The following PTPRK variants were observed in gnomAD, a reference collection of about 807,000 sequenced individuals.
PTPRK encodes receptor-type tyrosine-protein phosphatase kappa.
A neutral mutation model predicts 178.0 loss-of-function variants in PTPRK; 75 were observed. That is an observed-to-expected ratio of 0.42 (90% confidence interval 0.35 to 0.51). The LOEUF (loss-of-function observed/expected upper bound fraction) is 0.51, where lower values mean the gene tolerates loss of function less well. Among genes scored for constraint, PTPRK ranks in the 20% least tolerant of loss-of-function variants. The pLI is 0.02. For missense variants in PTPRK, 1,441 were observed against 1,797.8 expected (o/e 0.80, Z 3.59); for synonymous variants, 637 against 620.6 (o/e 1.03, Z -0.39).
At chr6:128,251,895 A>G (rs1284203712) in intron 3 of PTPRK, among the ~76,000 whole-genome samples, 1 of 152,240 alleles carries the variant, frequency 6.6e-6, no homozygotes, top group African/African-American at 2.4e-5. Context: ...GATGAGAAGG[A>G]CTACCACATT....
At chr6:127,974,475 A>C (rs1774292673) in intron 27 of PTPRK, among the ~76,000 whole-genome samples, 1 of 152,098 alleles carries the variant, frequency 6.6e-6, no homozygotes, top group African/African-American at 2.4e-5. Flanking sequence ...TCTCAATCCC[A>C]AATAGAATGA....
At chr6:128,382,973 T>C (rs1375665442) in intron 2 of PTPRK, among the ~76,000 whole-genome samples, 1 of 152,162 alleles carries the variant, frequency 6.6e-6, no homozygotes, top group Non-Finnish European at 1.5e-5. Flanking sequence ...TAAATTTTAT[T>C]ACTAGGGAGA....
intron 7 of PTPRK, among the ~76,000 whole-genome samples, chr6:128,138,886 C>G (rs138990967): frequency 2.7e-3 from 405 of 152,104 alleles, no homozygotes; most frequent in African/African-American, 9.2e-3. Context: ...GACAGCACTA[C>G]TCATCATCAA....
intron 7 of PTPRK, among the ~76,000 whole-genome samples, chr6:128,144,135 T>C (rs1796150868): frequency 6.6e-6 from 1 of 152,194 alleles, no homozygotes; most frequent in Non-Finnish European, 1.5e-5. Context: ...TTCTCTTTCC[T>C]AACTCACCCA....
chr6:128,082,348 T>C, intron 10 of PTPRK, 89 bp downstream of exon 10: 2 of 1,227,050 alleles, frequency 1.6e-6, no homozygotes, highest in African/African-American at 1.5e-5. Context: ...CAAGATGAAC[T>C]ACACTTGGTT....
chr6:128,336,550 T>A (rs1257854683), intron 2 of PTPRK, among the ~76,000 whole-genome samples: 1 of 152,150 alleles, frequency 6.6e-6, no homozygotes, highest in Non-Finnish European at 1.5e-5. Context: ...TCGTTCAATC[T>A]ACTATTGTGA....
rs1168529256 is a variant in PTPRK at position 128,261,555 on chromosome 6, G to A, written c.496-18953C>T. The stretch of plus-strand genomic sequence containing the variant: ...AGTTATTACAGGGGAAGTACTGTGT[G>A]CAGAGCTTCAGTCTAGAGCAAAACT... On this transcript the variant is annotated intron_variant, in intron 3 of 29. Coordinates refer to ENST00000368226, the MANE Select transcript of PTPRK (RefSeq NM_002844.4). Among the ~76,000 whole-genome samples the A allele has an allele frequency of 5.3e-5, 8 of 152,246 alleles. No individual in the cohort carries two copies. In the East Asian group the frequency reaches 1.3e-3, roughly 26 times the overall value.
At chr6:128,354,994 A>G (rs1456786074) in intron 2 of PTPRK, among the ~76,000 whole-genome samples, 2 of 152,218 alleles carry the variant, frequency 1.3e-5, no homozygotes, top group African/African-American at 2.4e-5. Context: ...CCAGAACTCA[A>G]CTAGTAAAAG....
At chr6:128,369,119 A>G (rs1014716063) in intron 2 of PTPRK, among the ~76,000 whole-genome samples, 1 of 6,984 alleles carries the variant, frequency 1.4e-4, no homozygotes, top group African/African-American at 2.8e-4. Context: ...TATATTACAC[A>G]TTTTACCAAG....
intron 3 of PTPRK, among the ~76,000 whole-genome samples, chr6:128,273,046 C>A (rs1263300173): frequency 6.6e-6 from 1 of 152,252 alleles, no homozygotes; most frequent in Admixed American, 6.5e-5. Context: ...AGGATGAGTT[C>A]ATGTCCTTTG....
intron 7 of PTPRK, among the ~76,000 whole-genome samples, chr6:128,159,560 A>G (rs1478362899): frequency 6.6e-6 from 1 of 151,854 alleles, no homozygotes; most frequent in Non-Finnish European, 1.5e-5. Context: ...TGGAAAACCC[A>G]TTATTTGAAT....
intron 7 of PTPRK, among the ~76,000 whole-genome samples, chr6:128,098,655 T>A (rs918680950): frequency 3.3e-5 from 5 of 152,138 alleles, no homozygotes; most frequent in African/African-American, 1.2e-4. Flanking sequence ...ACAGGCATTA[T>A]TTCTAATATC....
intron 11 of PTPRK, among the ~76,000 whole-genome samples, chr6:128,075,898 G>A (rs1186230709): frequency 1.3e-5 from 2 of 151,932 alleles, no homozygotes; most frequent in Non-Finnish European, 2.9e-5. Flanking sequence ...GGCTAGTAAT[G>A]CTATAATTAG....
At chr6:128,341,523 A>G (rs999735000) in intron 2 of PTPRK, among the ~76,000 whole-genome samples, 1 of 152,210 alleles carries the variant, frequency 6.6e-6, no homozygotes, top group Non-Finnish European at 1.5e-5. Flanking sequence ...TGTGAAAGAA[A>G]ATCCATAATT....
chr6:128,326,605 A>G (rs969321378), intron 2 of PTPRK, among the ~76,000 whole-genome samples: 5 of 152,186 alleles, frequency 3.3e-5, no homozygotes, highest in Admixed American at 3.3e-4. Context: ...AAAATATTAA[A>G]CCCACTTATG....
chr6:128,346,374 T>A (rs1334828519), intron 2 of PTPRK, among the ~76,000 whole-genome samples: 1 of 152,110 alleles, frequency 6.6e-6, no homozygotes, highest in African/African-American at 2.4e-5. Flanking sequence ...TCTTAAGTAA[T>A]CCTGTCATTT....
intron 13 of PTPRK, among the ~76,000 whole-genome samples, chr6:128,050,084 G>A (rs191395297): frequency 7.2e-5 from 11 of 152,122 alleles, no homozygotes; most frequent in African/African-American, 1.9e-4. Flanking sequence ...TGTGGTGAGC[G>A]GAGATCACGC....
rs1777213056 is a variant in PTPRK at position 127,996,888 on chromosome 6, A to C, written c.2767+13T>G. 1 of 1,606,148 alleles carries C rather than the reference A, an allele frequency of 6.2e-7. No homozygotes were observed. Among genetic ancestry groups the C allele is most frequent in the South Asian group, 1.1e-5 (1 of 90,008 alleles). On this transcript the variant is annotated intron_variant, in intron 17 of 29. Coordinates refer to ENST00000368226, the MANE Select transcript of PTPRK (RefSeq NM_002844.4). Reference sequence around the variant, plus strand: ...TAATATTTACATTCACCAAGAATTGAATGGGAACTTACATGCTATAATGTT... The same window carrying C: ...TAATATTTACATTCACCAAGAATTGCATGGGAACTTACATGCTATAATGTT...
chr6:128,018,200 T>C (rs946226153), intron 13 of PTPRK, among the ~76,000 whole-genome samples: 5 of 152,096 alleles, frequency 3.3e-5, no homozygotes, highest in Non-Finnish European at 7.4e-5. Context: ...TAGTTACCAA[T>C]ACATTATAAA....
Sources: allele counts gnomAD v4.1 joint callset (sites outside exome capture counted in the v4.1 genomes callset), GRCh38; gene constraint gnomAD v4.1.1; transcripts MANE v1.5; gene names NCBI Gene and HGNC (gene_info 2026-07-23, HGNC 2026-07-21).